The following QTMAN variants were observed in gnomAD, a reference collection of about 807,000 sequenced individuals.
The protein encoded by QTMAN is queuosine-tRNA mannosyltransferase.
chr2:144,115,551 GCT>G, the QTMAN span, among the ~76,000 whole-genome samples: 2 of 152,178 alleles, frequency 1.3e-5, no homozygotes, highest in Admixed American at 6.5e-5. Context: ...CCAGGACATC[GCT>G]CCCTGTGGTT....
the QTMAN span, among the ~76,000 whole-genome samples, chr2:144,218,302 C>A: frequency 1.3e-5 from 2 of 152,182 alleles, no homozygotes; most frequent in Admixed American, 1.3e-4. Flanking sequence ...GTCTGCCCTG[C>A]TGAGGGATTT....
the QTMAN span, among the ~76,000 whole-genome samples, chr2:144,182,568 A>G: frequency 7.1e-6 from 1 of 141,332 alleles, no homozygotes; most frequent in Non-Finnish European, 1.5e-5. Context: ...CACTTGAACC[A>G]GGGAGGCGGA....
chr2:144,022,204 T>C, the QTMAN span, among the ~76,000 whole-genome samples: 1 of 152,212 alleles, frequency 6.6e-6, no homozygotes, highest in Non-Finnish European at 1.5e-5. Flanking sequence ...AAATTTTTTC[T>C]AATTTTTCCA....
At chr2:144,240,179 A>G in the QTMAN span, among the ~76,000 whole-genome samples, 1 of 152,228 alleles carries the variant, frequency 6.6e-6, no homozygotes, top group Middle Eastern at 3.2e-3. Flanking sequence ...AGAAGTTTTA[A>G]TAAGACTCAG....
chr2:143,981,133 GTATAT>G, the QTMAN span, among the ~76,000 whole-genome samples: 1 of 152,094 alleles, frequency 6.6e-6, no homozygotes, highest in Non-Finnish European at 1.5e-5. Flanking sequence ...ATGTGTTCTT[GTATAT>G]TATTTCATAT....
chr2:144,098,954 C>G, the QTMAN span, among the ~76,000 whole-genome samples: 8 of 151,918 alleles, frequency 5.3e-5, no homozygotes, highest in Non-Finnish European at 8.8e-5. Flanking sequence ...TTGCTTGCTC[C>G]CTAATAATAT....
At chr2:144,151,160 T>C in the QTMAN span, among the ~76,000 whole-genome samples, 1 of 152,214 alleles carries the variant, frequency 6.6e-6, no homozygotes, top group African/African-American at 2.4e-5. Context: ...TTTTATTTTA[T>C]TCTTTCCACT....
the QTMAN span, among the ~76,000 whole-genome samples, chr2:144,154,097 T>C: frequency 1.3e-5 from 2 of 152,318 alleles, no homozygotes; most frequent in Middle Eastern, 3.4e-3. Flanking sequence ...ATTGTACTTA[T>C]TAGAATCTGT....
At chr2:144,261,361 T>A in the QTMAN span, among the ~76,000 whole-genome samples, 1 of 151,940 alleles carries the variant, frequency 6.6e-6, no homozygotes, top group Non-Finnish European at 1.5e-5. Context: ...TAAGCAAAAA[T>A]AATAACCAGC....
chr2:144,004,634 T>C, the QTMAN span, among the ~76,000 whole-genome samples: 1 of 152,014 alleles, frequency 6.6e-6, no homozygotes, highest in Non-Finnish European at 1.5e-5. Context: ...ACAGTAAATT[T>C]TGAAGAAACT....
chr2:143,957,367 T>C, the QTMAN span: 1 of 1,476,538 alleles, frequency 6.8e-7, no homozygotes, highest in Non-Finnish European at 9.2e-7. Flanking sequence ...AAGATATTCA[T>C]CTATTTAATA....
chr2:144,073,391 T>A, the QTMAN span, among the ~76,000 whole-genome samples: 1 of 152,118 alleles, frequency 6.6e-6, no homozygotes, highest in African/African-American at 2.4e-5. Context: ...GGAATTATAT[T>A]CCAGCCCAAG....
chr2:144,310,123 AAAG>A, the QTMAN span, among the ~76,000 whole-genome samples: 1 of 152,248 alleles, frequency 6.6e-6, no homozygotes, highest in African/African-American at 2.4e-5. Flanking sequence ...TAAGATGGCC[AAAG>A]AAGGTCTCAC....
At chr2:144,220,777 G>T in the QTMAN span, among the ~76,000 whole-genome samples, 1 of 152,118 alleles carries the variant, frequency 6.6e-6, no homozygotes, top group African/African-American at 2.4e-5. Context: ...TTATTTTAGA[G>T]AGAATTTATA....
the QTMAN span, chr2:144,208,767 G>T: frequency 4.3e-6 from 7 of 1,612,572 alleles, no homozygotes; most frequent in South Asian, 7.7e-5. Context: ...ATGCTTCAAT[G>T]ATGAGGATAC....
chr2:144,173,826 G>A, the QTMAN span, among the ~76,000 whole-genome samples: 2 of 152,136 alleles, frequency 1.3e-5, no homozygotes, highest in Non-Finnish European at 2.9e-5. Context: ...GCATGGGAGT[G>A]AAGGAGTTTT....
At chr2:144,209,909 A>G in the QTMAN span, among the ~76,000 whole-genome samples, 1 of 152,156 alleles carries the variant, frequency 6.6e-6, no homozygotes, top group Non-Finnish European at 1.5e-5. Flanking sequence ...TCAATGACTC[A>G]ATGATGTTCT....
chr2:144,163,740 C>T, the QTMAN span, among the ~76,000 whole-genome samples: 1 of 152,132 alleles, frequency 6.6e-6, no homozygotes, highest in Non-Finnish European at 1.5e-5. Flanking sequence ...TGCATAGATA[C>T]ACTATTTAAC....
the QTMAN span, among the ~76,000 whole-genome samples, chr2:144,073,591 A>C: frequency 6.6e-6 from 1 of 152,212 alleles, no homozygotes; most frequent in Admixed American, 6.5e-5. Context: ...GGCAGGAGAA[A>C]GCAACCTGGT....
Sources: allele counts gnomAD v4.1 joint callset (sites outside exome capture counted in the v4.1 genomes callset), GRCh38; gene constraint gnomAD v4.1.1; transcripts MANE v1.5; gene names NCBI Gene and HGNC (gene_info 2026-07-23, HGNC 2026-07-21).